The following VPS13D variants were observed in gnomAD, a reference collection of about 807,000 sequenced individuals.
VPS13D encodes the protein vacuolar protein sorting 13 homolog D.
A neutral mutation model predicts 461.9 loss-of-function variants in VPS13D; 187 were observed. That is an observed-to-expected ratio of 0.40 (90% confidence interval 0.36 to 0.46). VPS13D has a LOEUF of 0.46. Among genes scored for constraint, VPS13D ranks in the 20% least tolerant of loss-of-function variants. The pLI is 0.60. For synonymous variants in VPS13D, 1,951 were observed against 1,986.3 expected, an observed-to-expected ratio of 0.98 and a Z score of 0.47; for missense variants, 4,711 against 5,364.9, an observed-to-expected ratio of 0.88 and a Z score of 3.81.
chr1:12,372,935 C>T (rs1296819216), intron 54 of VPS13D, among the ~76,000 whole-genome samples: 2 of 150,590 alleles, frequency 1.3e-5, no homozygotes, highest in African/African-American at 4.9e-5. Context: ...TTCAGAGAAA[C>T]GTAACACGAT....
chr1:12,254,238 A>G (rs1035216222), intron 7 of VPS13D, among the ~76,000 whole-genome samples: 2 of 151,938 alleles, frequency 1.3e-5, no homozygotes, highest in African/African-American at 4.8e-5. Flanking sequence ...ATGGGGTCTC[A>G]CTCTGTTGTC....
intron 54 of VPS13D, 27 bp downstream of exon 54, chr1:12,369,729 T>C: frequency 6.2e-7 from 1 of 1,600,614 alleles, no homozygotes; most frequent in Non-Finnish European, 8.5e-7. Flanking sequence ...TTACTGTTCC[T>C]ATAAAGCAGA....
chr1:12,261,235 A>G (rs1641098657), intron 12 of VPS13D, 86 bp downstream of exon 12: 2 of 1,499,860 alleles, frequency 1.3e-6, no homozygotes, highest in East Asian at 2.3e-5. Flanking sequence ...AAATTTAACA[A>G]AAGTAGATAT....
intron 44 of VPS13D, 96 bp from the exon 45 acceptor site, chr1:12,348,727 T>G: frequency 6.9e-7 from 1 of 1,440,804 alleles, no homozygotes; most frequent in Non-Finnish European, 9.4e-7. Context: ...ATAGTAGTAA[T>G]AAGACACTTT....
At chr1:12,413,584 C>T (rs1301361301) in intron 63 of VPS13D, among the ~76,000 whole-genome samples, 4 of 152,124 alleles carry the variant, frequency 2.6e-5, no homozygotes, top group Non-Finnish European at 5.9e-5. Flanking sequence ...TGATCCTCCT[C>T]CTCCAGCCTC....
In VPS13D at chr1:12,507,062, C is replaced by G. The variant is rs1008560238; in HGVS notation, c.13004C>G (p.Ser4335Cys). ...GCCGTGAGCACGAGCAGTGGAGTGT[C>G]CATCCCCGGCCCCTCCCACCAGAAG... The part of the protein sequence containing the change: ...KKAVSTSSGV[S>C]IPGPSHQKPM... Residue 4335 changes from serine (S) to cysteine (C), a missense_variant, in exon 69 of 70, where the codon TCC (serine) becomes TGC (cysteine). This residue lies in a region of VPS13D where 194 missense variants were observed against 220.9 expected (regional missense o/e 0.88). Transcript: ENST00000620676. The surrounding 1 kb of genome is among the most constrained non-coding windows in gnomAD (Gnocchi z 5.3). The G allele has an allele frequency of 1.2e-6, 2 of 1,614,120 alleles. No homozygotes were observed. The highest frequency in any genetic ancestry group is 1.3e-5 in the African/African-American group (1 of 74,944).
chr1:12,429,704 T>C (rs1269463583), intron 65 of VPS13D, among the ~76,000 whole-genome samples: 2 of 152,228 alleles, frequency 1.3e-5, no homozygotes, highest in Admixed American at 1.3e-4. Context: ...ACATTGACTT[T>C]TAGGATCCTA....
chr1:12,396,029 A>ATAGATATATATT (rs1553187933), intron 60 of VPS13D, among the ~76,000 whole-genome samples: 1 of 119,874 alleles, frequency 8.3e-6, no homozygotes, highest in East Asian at 2.3e-4. Flanking sequence ...ATATATATAT[A>ATAGATATATATT]GTTCTTTAAG....
intron 2 of VPS13D, among the ~76,000 whole-genome samples, chr1:12,238,767 C>T (rs1448273615): frequency 6.6e-6 from 1 of 151,840 alleles, no homozygotes; most frequent in Non-Finnish European, 1.5e-5. Flanking sequence ...TCCAGGGTAG[C>T]TGGGACTACA....
intron 24 of VPS13D, among the ~76,000 whole-genome samples, chr1:12,295,278 T>C (rs1642246008): frequency 6.8e-6 from 1 of 147,310 alleles, no homozygotes; most frequent in Non-Finnish European, 1.5e-5. Flanking sequence ...ATTTAATAAA[T>C]AGATACTTTA....
At chr1:12,413,323 A>T (rs540513229) in intron 63 of VPS13D, among the ~76,000 whole-genome samples, 9 of 151,786 alleles carry the variant, frequency 5.9e-5, no homozygotes, top group Non-Finnish European at 1.2e-4. Flanking sequence ...TCCAAAATAA[A>T]AAAAAAAAAA....
At chr1:12,306,459 T>A (rs1436614496) in intron 26 of VPS13D, among the ~76,000 whole-genome samples, 1 of 152,218 alleles carries the variant, frequency 6.6e-6, no homozygotes, top group East Asian at 1.9e-4. Flanking sequence ...CCGCCACTGA[T>A]GTTATGACGT....
chr1:12,426,847 C>T (rs1644929752), intron 65 of VPS13D, among the ~76,000 whole-genome samples: 2 of 151,952 alleles, frequency 1.3e-5, no homozygotes, highest in Admixed American at 1.3e-4. Flanking sequence ...AACGTCGTCT[C>T]TACTAAAAAT....
At chr1:12,482,544 A>G (rs1360844713) in intron 67 of VPS13D, among the ~76,000 whole-genome samples, 1 of 152,176 alleles carries the variant, frequency 6.6e-6, no homozygotes, top group Admixed American at 6.5e-5. Context: ...GATTTCTTAG[A>G]GTGTATGGAC....
intron 40 of VPS13D, 60 bp downstream of exon 40, chr1:12,338,365 A>G: frequency 1.3e-6 from 2 of 1,531,562 alleles, no homozygotes; most frequent in Non-Finnish European, 1.8e-6. Flanking sequence ...TTCCTTGTAC[A>G]TCAATTTTTT....
At chr1:12,430,961 A>G (rs1482577675) in intron 65 of VPS13D, among the ~76,000 whole-genome samples, 1 of 152,238 alleles carries the variant, frequency 6.6e-6, no homozygotes, top group Non-Finnish European at 1.5e-5. Flanking sequence ...AATTAACGTG[A>G]CAAACTGAGG....
rs770307903 is a variant in VPS13D, at chr1:12,362,841, C to T, written c.10263C>T (p.Ala3421=). The T allele has an allele frequency of 4.3e-6, 7 of 1,613,956 alleles. No individual in the cohort carries two copies. In the East Asian group the frequency reaches 1.6e-4, roughly 36 times the overall value. ...TTGCATTTGCACAGAGGGAATTTGC[C>T]AGGGGACAGGTGAGCAGTTTGCTTT... is the stretch of plus-strand genomic sequence containing the variant. ...HKLAFAQREF[A]RGQGTANPEG... is the part of the protein sequence containing the mutation. Residue 3421 remains alanine (A), a synonymous_variant, in exon 51 of 70, where the codon GCC becomes GCT. Coordinates refer to ENST00000620676, the MANE Select transcript of VPS13D (RefSeq NM_015378.4).
At chr1:12,284,131 C>T (rs1641893639) in intron 21 of VPS13D, among the ~76,000 whole-genome samples, 1 of 152,172 alleles carries the variant, frequency 6.6e-6, no homozygotes, top group Non-Finnish European at 1.5e-5. Flanking sequence ...TCTGTCTCCC[C>T]ATTCTCTCAG....
rs1335608138 is a variant in VPS13D, at chr1:12,234,220, A to G, written c.-47A>G. On this transcript the variant is annotated 5_prime_UTR_variant, in exon 2 of 70. It adds an upstream start codon to the 5' untranslated region. Coordinates refer to ENST00000620676, the MANE Select transcript of VPS13D (RefSeq NM_015378.4). ...TTCTGTGACCATGAAAGAGAGAAATAAAGAATGATCCATGATTTCTAAACA... is the reference window on the plus strand; with the variant it reads ...TTCTGTGACCATGAAAGAGAGAAATGAAGAATGATCCATGATTTCTAAACA... 11 of 1,309,126 alleles carry G rather than the reference A, an allele frequency of 8.4e-6. No homozygotes were observed. Among genetic ancestry groups the G allele is most frequent in the Admixed American group, 3.9e-5 (2 of 51,766 alleles). The allele number at this position is 1,309,126 out of a possible 1,614,324, so 81.1% of individuals were successfully genotyped here.
Sources: gnomAD v4.1 joint callset for allele counts (sites outside exome capture counted in the v4.1 genomes callset) on GRCh38, gnomAD v4.1.1 for gene constraint, gnomAD v4.1.1 regional missense constraint, Gnocchi (gnomAD v3.1) non-coding constraint, MANE v1.5 for transcripts, NCBI Gene and HGNC (gene_info 2026-07-23, HGNC 2026-07-21) for gene names.